NEBL: variants seen among roughly 807,000 people sequenced by gnomAD.
The protein encoded by NEBL is LIM and SH3 protein 2.
NEBL carries 122 observed loss-of-function variants against 140.2 expected under a neutral mutation model. The observed-to-expected ratio is 0.87, with a 90% CI of 0.75 to 1.01. NEBL has a LOEUF of 1.01. NEBL is among the 50% of genes least tolerant of loss of function. The pLI is 0.00. For synonymous variants in NEBL, 436 were observed against 398.9 expected (o/e 1.09, Z -1.11); for missense variants, 1,365 against 1,231.3 (o/e 1.11, Z -1.62).
chr10:20,976,291 GA>G (rs1268951118), intron 3 of NEBL, among the ~76,000 whole-genome samples: 1 of 148,836 alleles, frequency 6.7e-6, no homozygotes, highest in Admixed American at 6.7e-5. Flanking sequence ...GCAGTGAGCC[GA>G]GATCACACCA....
At position 20,803,812 on chromosome 10, in the gene NEBL, A is replaced by AATATAT. The variant is rs773980585; in HGVS notation, c.2761+4692_2761+4697dup. Among the ~76,000 whole-genome samples the AATATAT allele has an allele frequency of 5.8e-4, 83 of 143,580 alleles. No homozygotes were observed. In the South Asian group the frequency reaches 7.7e-3, roughly 13 times the overall value. The allele number at this position is 143,580 out of a possible 152,430, so 94.2% of individuals were successfully genotyped here. Reference sequence around the variant, plus strand: ...GAGACTTCTTTCCTTCTGTACGAAAAATATATATATATATATATATATATA... The same window carrying AATATAT: ...GAGACTTCTTTCCTTCTGTACGAAAAATATATATATATATATATATATATATATATA... On this transcript the variant is annotated intron_variant, in intron 26 of 27. Coordinates refer to ENST00000377122, the MANE Select transcript of NEBL (RefSeq NM_006393.3).
At chr10:20,971,512 T>C (rs1399790438) in intron 3 of NEBL, among the ~76,000 whole-genome samples, 1 of 151,590 alleles carries the variant, frequency 6.6e-6, no homozygotes, top group East Asian at 1.9e-4. Context: ...TAGTTACATA[T>C]GTATACATGT....
intron 3 of NEBL, among the ~76,000 whole-genome samples, chr10:21,181,056 G>A (rs1841378421): frequency 3.9e-5 from 6 of 152,048 alleles, no homozygotes; most frequent in Admixed American, 3.9e-4. Context: ...GAGGTCAGAA[G>A]TTCAAGACAA....
chr10:20,788,145 A>T (rs1302573410), intron 26 of NEBL, among the ~76,000 whole-genome samples: 2 of 152,222 alleles, frequency 1.3e-5, no homozygotes, highest in African/African-American at 4.8e-5. Context: ...CCACAGAATC[A>T]GCAGACATAT....
chr10:21,044,709 T>A (rs1396599000), intron 2 of NEBL, among the ~76,000 whole-genome samples: 2 of 152,194 alleles, frequency 1.3e-5, no homozygotes, highest in African/African-American at 4.8e-5. Context: ...ATGTACCCTT[T>A]ATCACCCTGC....
chr10:21,133,504 A>G (rs1839210621), intron 2 of NEBL, among the ~76,000 whole-genome samples: 1 of 152,170 alleles, frequency 6.6e-6, no homozygotes, highest in South Asian at 2.1e-4. Flanking sequence ...TGTGCCTTTG[A>G]GTCAAGTTAT....
rs142970076 is a variant in NEBL, at chr10:21,262,431, C to T, written n.183-10603G>A. ...AAGCTGCGTGAATCTGGCCCCACGC[C>T]TGTTCCCTATGGGGGTCTCTGAAGA... On this transcript the variant is annotated intron_variant and non_coding_transcript_variant, in intron 1 of 8. Coordinates refer to the NEBL transcript ENST00000675702. 5.6e-3 allele frequency among the ~76,000 whole-genome samples: 853 copies of T among 152,328 alleles called. 5 individuals are homozygous for T. Among genetic ancestry groups the T allele is most frequent in the African/African-American group, 0.02 (815 of 41,578 alleles).
intron 3 of NEBL, among the ~76,000 whole-genome samples, chr10:21,006,773 A>T (rs572622394): frequency 7.2e-5 from 11 of 152,330 alleles, no homozygotes; most frequent in South Asian, 4.1e-4. Flanking sequence ...TTACGACATG[A>T]TTTAATTTTG....
intron 2 of NEBL, among the ~76,000 whole-genome samples, chr10:21,038,228 T>C (rs1027201984): frequency 1.3e-5 from 2 of 152,214 alleles, no homozygotes; most frequent in Admixed American, 1.3e-4. Context: ...AGTTCTGGGA[T>C]AGATGTGCAG....
At chr10:21,079,086 C>T (rs1836246570) in intron 2 of NEBL, among the ~76,000 whole-genome samples, 1 of 152,240 alleles carries the variant, frequency 6.6e-6, no homozygotes, top group African/African-American at 2.4e-5. Flanking sequence ...CTAGCTTTTC[C>T]TCCAAAGGAG....
At chr10:20,823,892 T>G (rs914000138) in intron 18 of NEBL, among the ~76,000 whole-genome samples, 2 of 152,120 alleles carry the variant, frequency 1.3e-5, no homozygotes, top group Non-Finnish European at 2.9e-5. Context: ...TGCATCAGTA[T>G]AAGGAAGGTC....
intron 3 of NEBL, among the ~76,000 whole-genome samples, chr10:20,889,328 G>A (rs899508198): frequency 5.9e-5 from 9 of 152,234 alleles, no homozygotes; most frequent in East Asian, 5.8e-4. Flanking sequence ...TGAATATAGC[G>A]TATTCCTCAG....
chr10:21,002,399 C>T (rs904584956), intron 3 of NEBL, among the ~76,000 whole-genome samples: 6 of 152,150 alleles, frequency 3.9e-5, no homozygotes, highest in African/African-American at 1.4e-4. Context: ...TTATCCTACG[C>T]TGTAGAATGT....
intron 2 of NEBL, chr10:21,112,991 G>GA: frequency 1.0e-5 from 3 of 296,248 alleles, no homozygotes; most frequent in Admixed American, 4.3e-5. Context: ...AGTTTCCACA[G>GA]AAAAAAAGTA....
intron 2 of NEBL, among the ~76,000 whole-genome samples, chr10:21,107,513 G>A (rs964269275): frequency 1.3e-5 from 2 of 152,204 alleles, no homozygotes; most frequent in African/African-American, 4.8e-5. Flanking sequence ...TCCCAGGGAT[G>A]AAGCCGACTT....
chr10:20,885,469 T>C (rs770351453), intron 4 of NEBL, among the ~76,000 whole-genome samples: 9 of 152,228 alleles, frequency 5.9e-5, no homozygotes, highest in Admixed American at 2.6e-4. Flanking sequence ...CAGTGGTGTC[T>C]ATTTCAGTAT....
chr10:20,947,725 G>A (rs1439243435), intron 4 of NEBL, among the ~76,000 whole-genome samples: 1 of 150,132 alleles, frequency 6.7e-6, no homozygotes. Context: ...ACAGTGTCAG[G>A]AGACAAAAGG....
At chr10:20,948,496 G>C (rs1835286646) in intron 4 of NEBL, among the ~76,000 whole-genome samples, 1 of 152,128 alleles carries the variant, frequency 6.6e-6, no homozygotes, top group Non-Finnish European at 1.5e-5. Flanking sequence ...TGTATCAAAT[G>C]CCTTATCTGG....
In NEBL at chr10:20,780,461, A is replaced by G. The variant is rs1041251697; in HGVS notation, c.*5286T>C. 1 of 152,158 alleles carries G rather than the reference A, an allele frequency of 6.6e-6. No individual in the cohort carries two copies. The highest frequency in any genetic ancestry group is 1.9e-4 in the East Asian group (1 of 5,194). The allele number at this position is 152,158 out of a possible 1,614,324, so 9.4% of individuals were successfully genotyped here. ...TACAACTAAGTTTATTTGGGGGAGG[A>G]AAATATCTTGACTGATTCACCAATG... On this transcript the variant is annotated 3_prime_UTR_variant, in exon 28 of 28. Coordinates refer to ENST00000377122, the MANE Select transcript of NEBL (RefSeq NM_006393.3).
Sources: gnomAD v4.1 joint callset for allele counts (sites outside exome capture counted in the v4.1 genomes callset) on GRCh38, gnomAD v4.1.1 for gene constraint, MANE v1.5 for transcripts, NCBI Gene and HGNC (gene_info 2026-07-23, HGNC 2026-07-21) for gene names.